The following CCDC7 variants were observed in gnomAD, a reference collection of about 807,000 sequenced individuals.
CCDC7 encodes coiled-coil domain-containing protein 7.
In CCDC7, 183 loss-of-function variants were observed where a neutral mutation model predicts 196.9. That is an observed-to-expected ratio of 0.93 (90% CI 0.82 to 1.05). The LOEUF is 1.05. Among genes scored for constraint, CCDC7 ranks in the 50% least tolerant of loss-of-function variants. The probability of loss-of-function intolerance (pLI) is 0.00; values close to 1 mark genes in which losing one functional copy is unlikely to be tolerated. For synonymous variants in CCDC7, 525 were observed against 484.6 expected (o/e 1.08, Z -1.10); for missense variants, 1,540 against 1,482.2 (o/e 1.04, Z -0.64).
At chr10:32,709,476 A>G (rs1489074558) in intron 24 of CCDC7, among the ~76,000 whole-genome samples, 1 of 152,124 alleles carries the variant, frequency 6.6e-6, no homozygotes, top group Non-Finnish European at 1.5e-5. Context: ...TAATAAAAAA[A>G]TAAATAAATA....
intron 16 of CCDC7, 107 bp downstream of exon 17, chr10:32,572,000 G>C (rs1643917967): frequency 2.8e-6 from 3 of 1,057,908 alleles, no homozygotes; most frequent in Non-Finnish European, 3.8e-6. Flanking sequence ...AAAACTCTTT[G>C]AAACTAATTT....
intron 18 of CCDC7, among the ~76,000 whole-genome samples, chr10:32,618,352 T>G (rs943570525): frequency 6.6e-6 from 1 of 152,000 alleles, no homozygotes; most frequent in Admixed American, 6.6e-5. Flanking sequence ...TGATTCCATT[T>G]GATTCCTTTA....
intron 1 of CCDC7, among the ~76,000 whole-genome samples, chr10:32,452,705 G>A (rs368486589): frequency 1.3e-5 from 2 of 151,974 alleles, no homozygotes; most frequent in East Asian, 1.9e-4. Flanking sequence ...TGATCCACCC[G>A]CCTTGGCCTC....
At chr10:32,618,306 C>T (rs770599491) in intron 18 of CCDC7, among the ~76,000 whole-genome samples, 1 of 151,450 alleles carries the variant, frequency 6.6e-6, no homozygotes, top group Non-Finnish European at 1.5e-5. Context: ...TTATTTTCTT[C>T]TCTTTTTGTC....
intron 39 of CCDC7, among the ~76,000 whole-genome samples, chr10:32,850,197 T>A (rs527649436): frequency 6.6e-6 from 1 of 152,284 alleles, no homozygotes; most frequent in East Asian, 1.9e-4. Context: ...ATTTCCTCTA[T>A]CTAGCCTATC....
intron 28 of CCDC7, among the ~76,000 whole-genome samples, chr10:32,773,363 TA>T (rs760857581): frequency 1.3e-5 from 2 of 152,218 alleles, no homozygotes; most frequent in Non-Finnish European, 1.5e-5. Context: ...CATTGTTTTT[TA>T]TTCACTTTTC....
In CCDC7 at chr10:32,763,196, G is replaced by T. The variant is rs561304131; in HGVS notation, c.2906-15781G>T. ...ACAATAATAAAAGTCTGACAAAAAT[G>T]GGCAAAGAACCTAAATAGACATTTT... On this transcript the variant is annotated intron_variant, in intron 28 of 41. Transcript: ENST00000639629. 4.6e-5 allele frequency among the ~76,000 whole-genome samples: 7 copies of T among 151,960 alleles called. No individual in the cohort carries two copies. The East Asian group carries it at 1.4e-3, about 29-fold the overall frequency.
At chr10:32,854,442 T>A (rs1309287946) in exon 41 of CCDC7, 1 of 1,608,792 alleles carries the variant, frequency 6.2e-7, no homozygotes, top group Non-Finnish European at 8.5e-7. Context: ...ACTATTGAAT[T>A]TACTCTGCCT....
intron 8 of CCDC7, among the ~76,000 whole-genome samples, chr10:32,490,017 C>T (rs1474848350): frequency 6.6e-6 from 1 of 152,058 alleles, no homozygotes; most frequent in Non-Finnish European, 1.5e-5. Context: ...GTGGTGAGAG[C>T]TGTCAGTGTT....
At chr10:32,522,388 T>C (rs988692288) in intron 11 of CCDC7, among the ~76,000 whole-genome samples, 6 of 152,126 alleles carry the variant, frequency 3.9e-5, no homozygotes, top group African/African-American at 7.2e-5. Context: ...TTTTTTCATG[T>C]TTCAATTTTG....
chr10:32,724,421 T>G (rs968910955), intron 25 of CCDC7, among the ~76,000 whole-genome samples: 1 of 152,108 alleles, frequency 6.6e-6, no homozygotes, highest in Admixed American at 6.6e-5. Context: ...CAAGTCAAAC[T>G]GAAAGGAATA....
At chr10:32,601,093 G>A (rs191103064) in intron 18 of CCDC7, among the ~76,000 whole-genome samples, 72 of 152,084 alleles carry the variant, frequency 4.7e-4, no homozygotes, top group East Asian at 1.4e-3. Context: ...ATTGAGGCTC[G>A]CTTGTATGTG....
chr10:32,589,379 T>G (rs933483307), intron 18 of CCDC7, among the ~76,000 whole-genome samples: 1 of 152,174 alleles, frequency 6.6e-6, no homozygotes, highest in South Asian at 2.1e-4. Context: ...TGTACCAAAT[T>G]TTCTTTATTC....
chr10:32,838,712 G>T (rs1291279181), intron 33 of CCDC7, among the ~76,000 whole-genome samples: 2 of 151,944 alleles, frequency 1.3e-5, no homozygotes, highest in South Asian at 4.1e-4. Flanking sequence ...ATAAAGTAAA[G>T]AATCTTAAGA....
At chr10:32,758,046 C>A (rs534298596) in intron 28 of CCDC7, among the ~76,000 whole-genome samples, 2 of 152,200 alleles carry the variant, frequency 1.3e-5, no homozygotes, top group African/African-American at 2.4e-5. Flanking sequence ...CAAGACTAAA[C>A]CAGGAAGAAG....
chr10:32,821,145 G>A (rs566733629), intron 31 of CCDC7, among the ~76,000 whole-genome samples: 3 of 152,204 alleles, frequency 2.0e-5, no homozygotes, highest in South Asian at 4.1e-4. Flanking sequence ...TCAAAAAGTG[G>A]GCGAAGGATA....
At chr10:32,840,276 G>A (rs1361043482) in intron 33 of CCDC7, among the ~76,000 whole-genome samples, 1 of 151,994 alleles carries the variant, frequency 6.6e-6, no homozygotes, top group Non-Finnish European at 1.5e-5. Flanking sequence ...AAGGAAAGAA[G>A]AGAGAAGATC....
At chr10:32,641,411 A>C (rs74354440) in intron 20 of CCDC7, among the ~76,000 whole-genome samples, 21,048 of 152,128 alleles carry the variant, frequency 0.14, 1,765 homozygotes, top group East Asian at 0.25. Context: ...TTGATATTCC[A>C]TCACTGATAC....
Position 32,471,641 on chromosome 10 carries a change from A to G in CCDC7, c.677+411A>G, listed in dbSNP as rs549062525. On this transcript the variant is annotated intron_variant, in intron 6 of 41. Coordinates refer to ENST00000639629, the Ensembl canonical transcript of CCDC7. Reference sequence around the variant, plus strand: ...ATGAAATACTTCATTGTTCATGAACACCTTCATTAATTATATTAACAGCTT... The same window carrying G: ...ATGAAATACTTCATTGTTCATGAACGCCTTCATTAATTATATTAACAGCTT... Among the ~76,000 whole-genome samples, 8 of 152,306 alleles carry G rather than the reference A, an allele frequency of 5.3e-5. No homozygotes were observed. In the South Asian group the frequency reaches 1.7e-3, roughly 32 times the overall value.
Sources: allele counts gnomAD v4.1 joint callset (sites outside exome capture counted in the v4.1 genomes callset), GRCh38; gene constraint gnomAD v4.1.1; transcripts MANE v1.5; gene names NCBI Gene and HGNC (gene_info 2026-07-23, HGNC 2026-07-21).